The following PLAGL1 variants were observed in gnomAD, a reference collection of about 807,000 sequenced individuals.
PLAGL1 encodes the protein PLAG1 like zinc finger 1.
In PLAGL1, 1 loss-of-function variant was observed where a neutral mutation model predicts 4.6. The observed-to-expected ratio is 0.22, with a 90% CI of 0.08 to 1.03. The LOEUF is 1.03. Among genes scored for constraint, PLAGL1 ranks in the 50% least tolerant of loss-of-function variants. The pLI, the probability that PLAGL1 is intolerant of heterozygous loss-of-function variation, is 0.58. For missense variants in PLAGL1, 464 were observed against 570.4 expected (o/e 0.81, Z 1.90); for synonymous variants, 240 against 237.8 (o/e 1.01, Z -0.08).
At position 143,994,460 on chromosome 6, in the gene PLAGL1, G is replaced by A. The variant is rs1562522611; in HGVS notation, c.-583-9286C>T. ...ACAAGGTATTACCATTAAAGCGTAT[G>A]ACACTGATTTTACACTCTGCAGAAG... is the stretch of plus-strand genomic sequence containing the variant. On this transcript the variant is annotated intron_variant, in intron 1 of 7. Transcript: ENST00000674357. The surrounding 1 kb of genome is among the most constrained non-coding windows in gnomAD (Gnocchi z 4.3). Among the ~76,000 whole-genome samples, 2 of 152,216 alleles carry A rather than the reference G, an allele frequency of 1.3e-5. No homozygotes were observed. Among genetic ancestry groups the A allele is most frequent in the Non-Finnish European group, 1.5e-5 (1 of 68,034 alleles).
Position 143,983,082 on chromosome 6 carries a change from G to C in PLAGL1, c.-544+2053C>G, listed in dbSNP as rs1245444361. ...GGGACAGCCAATGTTTGGAGGTCAG[G>C]ACAATGAGGATGTAACTGCAAGAAA... On this transcript the variant is annotated intron_variant, in intron 2 of 7. Coordinates refer to ENST00000674357, the MANE Select transcript of PLAGL1 (RefSeq NM_001317162.2). The surrounding 1 kb of genome is among the most constrained non-coding windows in gnomAD (Gnocchi z 6.6). 6.6e-6 allele frequency among the ~76,000 whole-genome samples: 1 copy of C among 152,156 alleles called. No homozygotes were observed. The highest frequency in any genetic ancestry group is 2.4e-5 in the African/African-American group (1 of 41,422).
Position 144,061,612 on chromosome 6 carries a change from G to A in PLAGL1, c.-151+2856C>T, listed in dbSNP as rs927412223. Among the ~76,000 whole-genome samples the A allele has an allele frequency of 2.0e-5, 3 of 152,110 alleles. No homozygotes were observed. The highest frequency in any genetic ancestry group is 4.4e-5 in the Non-Finnish European group (3 of 68,012). Reference sequence around the variant, plus strand: ...CCATGTTTAACTTCCACATTATACTGCCTCCCTCTATATTTTGAAATAACT... The same window carrying A: ...CCATGTTTAACTTCCACATTATACTACCTCCCTCTATATTTTGAAATAACT... On this transcript the variant is annotated intron_variant, in intron 1 of 3. Transcript: ENST00000437412. This position sits in a 1 kb window ranked among gnomAD's most constrained non-coding sequence, Gnocchi z 4.4.
Position 144,059,124 on chromosome 6 carries a change from A to C in PLAGL1, c.-151+5344T>G, listed in dbSNP as rs1000204252. 1.3e-5 allele frequency among the ~76,000 whole-genome samples: 2 copies of C among 152,224 alleles called. No homozygotes were observed. The highest frequency in any genetic ancestry group is 2.9e-5 in the Non-Finnish European group (2 of 68,034). On this transcript the variant is annotated intron_variant, in intron 1 of 3. Coordinates refer to the PLAGL1 transcript ENST00000437412. The surrounding 1 kb of genome is among the most constrained non-coding windows in gnomAD (Gnocchi z 4.9). ...CAGGCTTTCTGATATGTCATTGGAA[A>C]TATAGGTGGAAGCTGCCAAGCCTCC...
chr6:143,991,482 G>A (rs1246556290), intron 1 of PLAGL1, among the ~76,000 whole-genome samples: 3 of 152,198 alleles, frequency 2.0e-5, no homozygotes, highest in African/African-American at 7.2e-5. Flanking sequence ...TGGTGAGCAT[G>A]AGGTGCGGAA....
chr6:144,007,940 C>T (rs949951457), intron 1 of PLAGL1, 150 bp downstream of exon 1: 1 of 151,976 alleles, frequency 6.6e-6, no homozygotes, highest in Non-Finnish European at 1.5e-5. Flanking sequence ...CGCACCCGGC[C>T]CCGCGGAGCC....
chr6:144,052,589 T>C (rs1798653237), intron 1 of PLAGL1, among the ~76,000 whole-genome samples: 1 of 152,232 alleles, frequency 6.6e-6, no homozygotes, highest in African/African-American at 2.4e-5. Flanking sequence ...ATATATATCT[T>C]GTTCATATGG....
rs188990852 is a variant in PLAGL1 at position 143,945,194 on chromosome 6, T to G, written c.153-2531A>C. On this transcript the variant is annotated intron_variant, in intron 7 of 7. Transcript: ENST00000674357. The surrounding 1 kb of genome is among the most constrained non-coding windows in gnomAD (Gnocchi z 4.2). ...AGCTGAAATTACTTCAACGACTTGT[T>G]TCTTTCCCTCAGTTTTTCATCTTAC... 9.2e-5 allele frequency among the ~76,000 whole-genome samples: 14 copies of G among 152,318 alleles called. No individual in the cohort carries two copies. Among genetic ancestry groups the G allele is most frequent in the Non-Finnish European group, 1.5e-4 (10 of 68,028 alleles).
rs1269244570 is a variant in PLAGL1, at chr6:144,005,247, A to G, written c.-584+2843T>C. ...CCACATTGGAACTAGACTACTTTCTACAAATCTCTTAGGGGAAGAAAAAAT... is the reference window on the plus strand; with the variant it reads ...CCACATTGGAACTAGACTACTTTCTGCAAATCTCTTAGGGGAAGAAAAAAT... On this transcript the variant is annotated intron_variant, in intron 1 of 7. Coordinates refer to ENST00000674357, the MANE Select transcript of PLAGL1 (RefSeq NM_001317162.2). The surrounding 1 kb of genome is among the most constrained non-coding windows in gnomAD (Gnocchi z 4.6). The G allele has an allele frequency of 6.6e-6, 1 of 152,176 alleles. No homozygotes were observed. Among genetic ancestry groups the G allele is most frequent in the Non-Finnish European group, 1.5e-5 (1 of 68,012 alleles). 9.4% of individuals were successfully genotyped at this position (152,176 alleles called of 1,614,324 possible).
At chr6:143,992,311 G>C (rs1362536740) in intron 1 of PLAGL1, among the ~76,000 whole-genome samples, 1 of 152,168 alleles carries the variant, frequency 6.6e-6, no homozygotes, top group Non-Finnish European at 1.5e-5. Context: ...TGACAAAGGT[G>C]GTACAATCAC....
chr6:144,025,370 G>T (rs1398363050), intron 1 of PLAGL1, among the ~76,000 whole-genome samples: 2 of 152,106 alleles, frequency 1.3e-5, no homozygotes, highest in South Asian at 2.1e-4. Flanking sequence ...TCCTGGAATA[G>T]AAAAAGGACT....
chr6:143,941,630 T>G lies in PLAGL1; in HGVS notation c.1186A>C (p.Asn396His), dbSNP rs747916100. ...FWQLPPPATQ[N>H]TFGNSTLALG... ...GCAAGAGTGCTATTCCCAAAGGTAT[T>G]TTGGGTAGCAGGAGGGGGCAGCTGC... is the stretch of plus-strand genomic sequence containing the variant. The change falls in exon 8 of 8, where the codon AAT (asparagine) becomes CAT (histidine). Residue 396 changes from asparagine (N) to histidine (H), a missense_variant. This residue lies in a region of PLAGL1 where 248 missense variants were observed against 250.1 expected (regional missense o/e 0.99). Coordinates refer to ENST00000674357, the MANE Select transcript of PLAGL1 (RefSeq NM_001317162.2). This position sits in a 1 kb window ranked among gnomAD's most constrained non-coding sequence, Gnocchi z 6.0. The G allele has an allele frequency of 2.5e-6, 4 of 1,613,936 alleles. No homozygotes were observed. In the South Asian group the frequency reaches 3.3e-5, roughly 13 times the overall value.
rs913858536 is a variant in PLAGL1, at chr6:143,941,366, A to T, written c.*58T>A. On this transcript the variant is annotated 3_prime_UTR_variant, in exon 8 of 8. Coordinates refer to ENST00000674357, the MANE Select transcript of PLAGL1 (RefSeq NM_001317162.2). The surrounding 1 kb of genome is among the most constrained non-coding windows in gnomAD (Gnocchi z 6.0). Reference sequence around the variant, plus strand: ...AAATCTTTCTCATATTGTAACTGACATTTAAAATGCTTCTTAAAACATCTT... The same window carrying T: ...AAATCTTTCTCATATTGTAACTGACTTTTAAAATGCTTCTTAAAACATCTT... 2.8e-5 allele frequency: 37 copies of T among 1,344,906 alleles called. No individual in the cohort carries two copies. In the African/African-American group the frequency reaches 5.4e-4, roughly 20 times the overall value. 83.3% of individuals were successfully genotyped at this position (1,344,906 alleles called of 1,614,324 possible).
At position 143,960,030 on chromosome 6, in the gene PLAGL1, G is replaced by A. The variant is rs1006180746; in HGVS notation, c.-325+439C>T. ...GGATTGCCTCATGTGGCTGGGATGCGACCAGCATCTTTCCCAGGCTTATCT... is the reference window on the plus strand; with the variant it reads ...GGATTGCCTCATGTGGCTGGGATGCAACCAGCATCTTTCCCAGGCTTATCT... On this transcript the variant is annotated intron_variant, in intron 6 of 7. Transcript: ENST00000674357. This position sits in a 1 kb window ranked among gnomAD's most constrained non-coding sequence, Gnocchi z 5.7. 2.0e-5 allele frequency among the ~76,000 whole-genome samples: 3 copies of A among 152,314 alleles called. No individual in the cohort carries two copies. The highest frequency in any genetic ancestry group is 7.2e-5 in the African/African-American group (3 of 41,566).
rs912817933 is a variant in PLAGL1 at position 144,063,905 on chromosome 6, G to T, written c.-151+563C>A. On this transcript the variant is annotated intron_variant, in intron 1 of 3. Coordinates refer to the PLAGL1 transcript ENST00000437412. The surrounding 1 kb of genome is among the most constrained non-coding windows in gnomAD (Gnocchi z 5.7). ...CGGCCCAGGTCTCTTTTCTCCCGGA[G>T]TCTGCGGGGACCTCCCCGCCGCAAC... 1.3e-5 allele frequency among the ~76,000 whole-genome samples: 2 copies of T among 152,172 alleles called. No homozygotes were observed. Among genetic ancestry groups the T allele is most frequent in the African/African-American group, 2.4e-5 (1 of 41,442 alleles).
chr6:144,027,972 A>C lies in PLAGL1; in HGVS notation c.-151+36496T>G. Among the ~76,000 whole-genome samples, 1 of 152,208 alleles carries C rather than the reference A, an allele frequency of 6.6e-6. No individual in the cohort carries two copies. Among genetic ancestry groups the C allele is most frequent in the East Asian group, 1.9e-4 (1 of 5,200 alleles). On this transcript the variant is annotated intron_variant, in intron 1 of 3. Coordinates refer to the PLAGL1 transcript ENST00000437412. The surrounding 1 kb of genome is among the most constrained non-coding windows in gnomAD (Gnocchi z 5.8). ...TTTTTGAAAAGAGAGAGAACAAGGA[A>C]ATATAAAGAATTCAAAACTCCAAAA... is the stretch of plus-strand genomic sequence containing the variant.
intron 2 of PLAGL1, among the ~76,000 whole-genome samples, chr6:143,977,215 G>A (rs967467738): frequency 2.6e-5 from 4 of 151,660 alleles, no homozygotes; most frequent in Non-Finnish European, 5.9e-5. Flanking sequence ...TTCACTCTTG[G>A]TGTTGTACAT....
At chr6:144,062,093 A>T (rs1799455806) in intron 1 of PLAGL1, among the ~76,000 whole-genome samples, 1 of 152,188 alleles carries the variant, frequency 6.6e-6, no homozygotes, top group African/African-American at 2.4e-5. Flanking sequence ...AACAGACATC[A>T]TGGGCCGGGC....
chr6:143,941,557 T>C lies in PLAGL1; in HGVS notation c.1259A>G (p.Gln420Arg), dbSNP rs769435521. Residue 420 changes from glutamine to arginine, a missense_variant, in exon 8 of 8, where the codon CAG becomes CGG. Transcript: ENST00000674357. This position sits in a 1 kb window ranked among gnomAD's most constrained non-coding sequence, Gnocchi z 6.0. ...GGCAAGTGGGGGTTCTTGCTGCTGCTGCCCCAGACAGCTTAACCTGTGGGG... is the reference window on the plus strand; with the variant it reads ...GGCAAGTGGGGGTTCTTGCTGCTGCCGCCCCAGACAGCTTAACCTGTGGGG... ...SLPHRLSCLGQQQQEPPLAMG... is the reference protein window; with the variant it reads ...SLPHRLSCLGRQQQEPPLAMG... 18 of 1,577,422 alleles carry C rather than the reference T, an allele frequency of 1.1e-5. No homozygotes were observed. The South Asian group carries it at 2.0e-4, about 18-fold the overall frequency.
intron 1 of PLAGL1, among the ~76,000 whole-genome samples, chr6:144,060,768 A>G (rs1204388233): frequency 6.6e-6 from 1 of 152,216 alleles, no homozygotes; most frequent in African/African-American, 2.4e-5. Context: ...CCTCATCTCC[A>G]TATAGATCCA....
Sources: gnomAD v4.1 joint callset for allele counts (sites outside exome capture counted in the v4.1 genomes callset) on GRCh38, gnomAD v4.1.1 for gene constraint, gnomAD v4.1.1 regional missense constraint, Gnocchi (gnomAD v3.1) non-coding constraint, MANE v1.5 for transcripts, NCBI Gene and HGNC (gene_info 2026-07-23, HGNC 2026-07-21) for gene names.